The following TXLNB variants were observed in gnomAD, a reference collection of about 807,000 sequenced individuals.
TXLNB encodes the protein taxilin beta.
TXLNB carries 37 observed loss-of-function variants against 57.4 expected under a neutral mutation model. That is an observed-to-expected ratio of 0.64 (90% CI 0.50 to 0.85). The LOEUF is 0.85. Among genes scored for constraint, TXLNB ranks in the 40% least tolerant of loss-of-function variants. The probability of loss-of-function intolerance (pLI) is 0.00; values close to 1 mark genes in which losing one functional copy is unlikely to be tolerated. For missense variants in TXLNB, 848 were observed against 825.6 expected, an observed-to-expected ratio of 1.03 and a Z score of -0.33; for synonymous variants, 302 against 309.6, an observed-to-expected ratio of 0.98 and a Z score of 0.26.
At chr6:139,205,752 A>G in the TXLNB span, among the ~76,000 whole-genome samples, 1 of 152,188 alleles carries the variant, frequency 6.6e-6, no homozygotes, top group African/African-American at 2.4e-5. Context: ...AGTTTGGAAA[A>G]CCTATTTGAG....
chr6:139,201,783 G>A, the TXLNB span: 1 of 152,096 alleles, frequency 6.6e-6, no homozygotes. Flanking sequence ...TTTTTATTTG[G>A]CTGTGTGAAA....
chr6:139,230,148 T>C, the TXLNB span, among the ~76,000 whole-genome samples: 2 of 152,220 alleles, frequency 1.3e-5, no homozygotes, highest in East Asian at 3.8e-4. Context: ...CAGACTGAAT[T>C]GAAGGACTTC....
chr6:139,192,946 G>C, the TXLNB span, among the ~76,000 whole-genome samples: 1 of 150,780 alleles, frequency 6.6e-6, no homozygotes, highest in Non-Finnish European at 1.5e-5. Flanking sequence ...CTGGGCAACA[G>C]AGCAAGACTC....
chr6:139,212,292 C>T, the TXLNB span, among the ~76,000 whole-genome samples: 1 of 152,140 alleles, frequency 6.6e-6, no homozygotes. Flanking sequence ...AGCAGAAACT[C>T]TACAAGCCAG....
the TXLNB span, among the ~76,000 whole-genome samples, chr6:139,167,920 A>G: frequency 6.6e-6 from 1 of 152,214 alleles, no homozygotes; most frequent in Admixed American, 6.5e-5. Flanking sequence ...TCAGCCATAA[A>G]TTGAATGACA....
the TXLNB span, among the ~76,000 whole-genome samples, chr6:139,298,868 A>T: frequency 6.6e-6 from 1 of 152,180 alleles, no homozygotes; most frequent in African/African-American, 2.4e-5. Context: ...TTCTTGCTCA[A>T]TTAGTTTCCA....
rs142413070 is a variant in TXLNB at position 139,288,858 on chromosome 6, C to A, written c.42G>T (p.Gln14His). 6.2e-7 allele frequency: 1 copy of A among 1,614,062 alleles called. No homozygotes were observed. Among genetic ancestry groups the A allele is most frequent in the African/African-American group, 1.3e-5 (1 of 74,924 alleles). Reference sequence around the variant, plus strand: ...ATGAACTGTCACCTGGAGGTGTTGACTGTCGTTCCGCTGAGAGCTGTTCAG... The same window carrying A: ...ATGAACTGTCACCTGGAGGTGTTGAATGTCGTTCCGCTGAGAGCTGTTCAG... ...NHSEQLSAER[Q>H]STPPGDSSSL... The change falls in exon 2 of 10, where the codon CAG becomes CAT. Residue 14 changes from glutamine to histidine, a missense_variant. Gln to His is a conservative substitution (Grantham distance 24). Transcript: ENST00000358430.
the TXLNB span, chr6:139,166,540 C>T: frequency 6.2e-7 from 1 of 1,614,250 alleles, no homozygotes; most frequent in East Asian, 2.2e-5. Context: ...TCCGCTTCTG[C>T]TCTTGCCGCT....
chr6:139,318,766 G>A, the TXLNB span, among the ~76,000 whole-genome samples: 2 of 152,074 alleles, frequency 1.3e-5, no homozygotes, highest in African/African-American at 4.8e-5. Context: ...GACAAAATAT[G>A]AGTGTATTTG....
chr6:139,308,290 G>A, the TXLNB span, among the ~76,000 whole-genome samples: 5 of 152,156 alleles, frequency 3.3e-5, no homozygotes, highest in South Asian at 2.1e-4. Flanking sequence ...GATCCTAAGC[G>A]ATACAACTAC....
intron 9 of TXLNB, 147 bp downstream of exon 9, chr6:139,244,448 C>T: frequency 1.6e-6 from 1 of 619,390 alleles, no homozygotes; most frequent in Non-Finnish European, 2.9e-6. Flanking sequence ...ATACTTATTA[C>T]AATTTAAAAT....
chr6:139,211,774 A>G, the TXLNB span, among the ~76,000 whole-genome samples: 1 of 152,238 alleles, frequency 6.6e-6, no homozygotes, highest in African/African-American at 2.4e-5. Context: ...CAATGCAGAG[A>G]AGTCCTTAAA....
At chr6:139,192,528 T>A in the TXLNB span, among the ~76,000 whole-genome samples, 1 of 152,212 alleles carries the variant, frequency 6.6e-6, no homozygotes. Context: ...CACTGATATA[T>A]ACCAAGTGTC....
chr6:139,217,864 CAAAAAAAA>C, the TXLNB span, among the ~76,000 whole-genome samples: 1 of 51,916 alleles, frequency 1.9e-5, no homozygotes, highest in African/African-American at 6.0e-5. Context: ...GCAAGAGTCT[CAAAAAAAA>C]AAAAAAAAAA....
chr6:139,209,969 C>A, the TXLNB span, among the ~76,000 whole-genome samples: 1 of 152,040 alleles, frequency 6.6e-6, no homozygotes, highest in South Asian at 2.1e-4. Context: ...ATGCATCTGA[C>A]AAAGGATTAA....
chr6:139,193,348 G>C, the TXLNB span, among the ~76,000 whole-genome samples: 2 of 147,390 alleles, frequency 1.4e-5, no homozygotes, highest in Non-Finnish European at 3.0e-5. Context: ...CTAGCCTAGA[G>C]TTCTCCTCTA....
chr6:139,279,627 C>T (rs568820234), intron 2 of TXLNB, among the ~76,000 whole-genome samples: 1 of 152,282 alleles, frequency 6.6e-6, no homozygotes, highest in East Asian at 1.9e-4. Flanking sequence ...GGGGAGTAGA[C>T]AGAGACTTGC....
chr6:139,273,067 T>G (rs775441223), intron 3 of TXLNB, among the ~76,000 whole-genome samples: 20 of 152,170 alleles, frequency 1.3e-4, no homozygotes, highest in Middle Eastern at 3.4e-3. Context: ...GAAAAGAAAT[T>G]TATATATTGT....
intron 6 of TXLNB, among the ~76,000 whole-genome samples, chr6:139,256,364 T>C (rs762814296): frequency 7.8e-4 from 118 of 152,164 alleles, no homozygotes; most frequent in Non-Finnish European, 1.1e-3. Context: ...AGTTTCTCTT[T>C]TGTCGCCCAG....
Sources: allele counts gnomAD v4.1 joint callset (sites outside exome capture counted in the v4.1 genomes callset), GRCh38; gene constraint gnomAD v4.1.1; transcripts MANE v1.5; gene names NCBI Gene and HGNC (gene_info 2026-07-23, HGNC 2026-07-21).